Variants in GPC5 observed in about 807,000 individuals in gnomAD.
GPC5 encodes glypican-5.
Under a neutral mutation model 53.9 loss-of-function variants are expected in GPC5, and 47 were observed. That is an observed-to-expected ratio of 0.87 (90% CI 0.69 to 1.11). The LOEUF (loss-of-function observed/expected upper bound fraction) is 1.11. Among genes scored for constraint, GPC5 ranks in the 50% most tolerant of loss-of-function variants. The pLI is 0.00. For missense variants in GPC5, 748 were observed against 713.1 expected (o/e 1.05, Z -0.56); for synonymous variants, 286 against 263.3 (o/e 1.09, Z -0.84).
At chr13:92,104,043 C>T (rs1024673579) in intron 6 of GPC5, among the ~76,000 whole-genome samples, 7 of 151,990 alleles carry the variant, frequency 4.6e-5, no homozygotes, top group South Asian at 2.1e-4. Flanking sequence ...GCAAATACCC[C>T]GGGGGAAAAA....
At chr13:91,399,445 C>A (rs944759053) in intron 1 of GPC5, among the ~76,000 whole-genome samples, 1 of 152,178 alleles carries the variant, frequency 6.6e-6, no homozygotes, top group African/African-American at 2.4e-5. Flanking sequence ...GCATCTGCTT[C>A]CCGCCCGGCT....
intron 6 of GPC5, among the ~76,000 whole-genome samples, chr13:92,028,146 G>A (rs1004247234): frequency 6.6e-6 from 1 of 152,082 alleles, no homozygotes; most frequent in Non-Finnish European, 1.5e-5. Context: ...TTTCAAAACC[G>A]AACATTATAT....
chr13:91,604,345 T>C lies in GPC5; in HGVS notation c.326-88842T>C, dbSNP rs1008053294. Among the ~76,000 whole-genome samples, 15 of 150,424 alleles carry C rather than the reference T, an allele frequency of 1.0e-4. 1 individual carries two copies. The highest frequency in any genetic ancestry group is 3.7e-4 in the African/African-American group (15 of 40,476). ...TATGTGCCACATTTTCTTAATCCAG[T>C]CTATCATTGTTGGACATTTGGGTTG... On this transcript the variant is annotated intron_variant, in intron 2 of 7. Transcript: ENST00000377067.
chr13:92,149,664 T>A (rs2041893362), intron 7 of GPC5, among the ~76,000 whole-genome samples: 1 of 152,048 alleles, frequency 6.6e-6, no homozygotes, highest in Non-Finnish European at 1.5e-5. Context: ...GGAAGGTGAT[T>A]TATTTAGTAA....
At chr13:92,540,669 G>A (rs902526335) in intron 7 of GPC5, among the ~76,000 whole-genome samples, 5 of 151,806 alleles carry the variant, frequency 3.3e-5, no homozygotes, top group Admixed American at 3.3e-4. Context: ...AGGTTTTGTG[G>A]AAGAAAACTT....
At position 92,579,302 on chromosome 13, in the gene GPC5, C is replaced by T. The variant is rs866285246; in HGVS notation, c.1562-286980C>T. Among the ~76,000 whole-genome samples the T allele has an allele frequency of 1.1e-3, 39 of 36,734 alleles. 1 individual carries two copies. Among genetic ancestry groups the T allele is most frequent in the African/African-American group, 4.0e-3 (25 of 6,222 alleles). 24.1% of individuals were successfully genotyped at this position (36,734 alleles called of 152,430 possible). A position where few individuals can be genotyped will look rare whatever the true frequency, so the allele number is the denominator to read the frequency against. On this transcript the variant is annotated intron_variant, in intron 7 of 7. Transcript: ENST00000377067. Reference sequence around the variant, plus strand: ...CTCTCTCTCTCTCTCTCTCTCTCTCCCTCCCTCCCTCCCTCCCTCCCTCTC... The same window carrying T: ...CTCTCTCTCTCTCTCTCTCTCTCTCTCTCCCTCCCTCCCTCCCTCCCTCTC...
At chr13:91,702,011 T>C (rs1224523272) in intron 3 of GPC5, among the ~76,000 whole-genome samples, 3 of 152,136 alleles carry the variant, frequency 2.0e-5, no homozygotes, top group Non-Finnish European at 4.4e-5. Flanking sequence ...AAATAATATC[T>C]CATTGTGGTT....
intron 1 of GPC5, among the ~76,000 whole-genome samples, chr13:91,416,851 T>C (rs1207795304): frequency 2.0e-5 from 3 of 152,234 alleles, no homozygotes; most frequent in East Asian, 1.9e-4. Flanking sequence ...CAGTCTATCA[T>C]TGATGGACAT....
intron 7 of GPC5, among the ~76,000 whole-genome samples, chr13:92,283,520 A>G (rs2042931734): frequency 6.6e-6 from 1 of 152,222 alleles, no homozygotes; most frequent in African/African-American, 2.4e-5. Context: ...AATGTAAAAG[A>G]ACAGAAATTA....
chr13:91,405,094 C>G (rs1217855807), intron 1 of GPC5, among the ~76,000 whole-genome samples: 1 of 152,190 alleles, frequency 6.6e-6, no homozygotes, highest in Non-Finnish European at 1.5e-5. Context: ...TTCCAGTATT[C>G]TCTACCATAA....
At chr13:92,272,089 A>G (rs1372123999) in intron 7 of GPC5, among the ~76,000 whole-genome samples, 1 of 152,138 alleles carries the variant, frequency 6.6e-6, no homozygotes, top group African/African-American at 2.4e-5. Flanking sequence ...GATGGCAGGG[A>G]TGGGCACCTG....
At chr13:91,782,937 T>C (rs1267134177) in intron 5 of GPC5, among the ~76,000 whole-genome samples, 1 of 152,062 alleles carries the variant, frequency 6.6e-6, no homozygotes, top group African/African-American at 2.4e-5. Flanking sequence ...GTTTTTCTCA[T>C]TAAGAAAAAT....
In GPC5 at chr13:91,664,364, C is replaced by A. The variant is rs187029688; in HGVS notation, c.326-28823C>A. 2.0e-5 allele frequency among the ~76,000 whole-genome samples: 3 copies of A among 152,306 alleles called. No individual in the cohort carries two copies. The East Asian group carries it at 5.8e-4, about 30-fold the overall frequency. On this transcript the variant is annotated intron_variant, in intron 2 of 7. Transcript: ENST00000377067. ...TGTGACTCACCTCTGTGAGGAGTCC[C>A]TGCTTGCATGATCATTTATCTAAAG... is the stretch of plus-strand genomic sequence containing the variant.
At chr13:91,839,569 A>G (rs1404641625) in intron 5 of GPC5, among the ~76,000 whole-genome samples, 4 of 152,080 alleles carry the variant, frequency 2.6e-5, no homozygotes, top group Admixed American at 6.6e-5. Flanking sequence ...AAAAATTATC[A>G]AGCAAATTGT....
intron 7 of GPC5, among the ~76,000 whole-genome samples, chr13:92,469,727 C>T (rs536252175): frequency 7.9e-5 from 12 of 152,170 alleles, no homozygotes; most frequent in South Asian, 2.1e-4. Context: ...CAATTTCCCA[C>T]GTCTCTTGCA....
intron 5 of GPC5, among the ~76,000 whole-genome samples, chr13:91,893,115 A>C (rs546823912): frequency 6.6e-6 from 1 of 151,974 alleles, no homozygotes; most frequent in Non-Finnish European, 1.5e-5. Context: ...ATATTAAATT[A>C]CTCTCACATA....
At chr13:92,228,542 G>T (rs1315114300) in intron 7 of GPC5, among the ~76,000 whole-genome samples, 1 of 152,070 alleles carries the variant, frequency 6.6e-6, no homozygotes, top group Non-Finnish European at 1.5e-5. Flanking sequence ...AAGTATGTGA[G>T]AATTTGGTTT....
chr13:91,719,315 G>A (rs944767028), intron 3 of GPC5, among the ~76,000 whole-genome samples: 1 of 152,222 alleles, frequency 6.6e-6, no homozygotes, highest in African/African-American at 2.4e-5. Context: ...CCGCCCCTAG[G>A]TCCTTGAATA....
intron 6 of GPC5, among the ~76,000 whole-genome samples, chr13:91,989,019 T>TA (rs972039302): frequency 6.7e-6 from 1 of 149,750 alleles, no homozygotes; most frequent in African/African-American, 2.4e-5. Context: ...CACATGACAG[T>TA]AAAAATACAA....
Sources: allele counts gnomAD v4.1 joint callset (sites outside exome capture counted in the v4.1 genomes callset), GRCh38; gene constraint gnomAD v4.1.1; transcripts MANE v1.5; gene names NCBI Gene and HGNC (gene_info 2026-07-23, HGNC 2026-07-21).